Variants in CD59 observed in about 807,000 individuals in gnomAD.
CD59 encodes the protein CD59 molecule (CD59 blood group).
CD59 carries 3 observed loss-of-function variants against 7.0 expected under a neutral mutation model. The observed-to-expected ratio is 0.43, with a 90% CI of 0.19 to 1.10. CD59 has a LOEUF of 1.10. Among genes scored for constraint, CD59 ranks in the 50% least tolerant of loss-of-function variants. CD59 has a pLI of 0.29. For missense variants in CD59, 143 were observed against 151.0 expected, an observed-to-expected ratio of 0.95 and a Z score of 0.28; for synonymous variants, 60 against 62.0, an observed-to-expected ratio of 0.97 and a Z score of 0.15.
At position 33,722,420 on chromosome 11, in the gene CD59, A is replaced by AG. The variant is rs1186760432; in HGVS notation, c.25dup (p.Leu9ProfsTer17). Reference sequence around the variant, plus strand: ...AGCCAGGACGAGCAGCAGCCCGAACAGGACAGACCCTCCTTGGATTCCCAT... The same window carrying AG: ...AGCCAGGACGAGCAGCAGCCCGAACAGGGACAGACCCTCCTTGGATTCCCAT... On this transcript the variant is annotated frameshift_variant, in exon 2 of 4. Coordinates refer to ENST00000642928, the MANE Select transcript of CD59 (RefSeq NM_000611.6). LOFTEE classifies it high-confidence loss of function. The AG allele has an allele frequency of 5.0e-6, 8 of 1,614,168 alleles. No individual in the cohort carries two copies. Among genetic ancestry groups the AG allele is most frequent in the Non-Finnish European group, 6.8e-6 (8 of 1,179,984 alleles).
intron 2 of CD59, among the ~76,000 whole-genome samples, chr11:33,721,839 A>G (rs1375401305): frequency 1.3e-5 from 2 of 152,250 alleles, no homozygotes; most frequent in African/African-American, 2.4e-5. Flanking sequence ...TAAAACAAGG[A>G]TAAAAATACC....
At chr11:33,723,142 T>G (rs1854144749) in intron 1 of CD59, 1 of 160,616 alleles carries the variant, frequency 6.2e-6, no homozygotes, top group Non-Finnish European at 1.3e-5. Context: ...CTTGCCTAAG[T>G]ACAAAGCATC....
intron 1 of CD59, among the ~76,000 whole-genome samples, chr11:33,729,478 G>T (rs1854351010): frequency 6.6e-6 from 1 of 151,996 alleles, no homozygotes; most frequent in Admixed American, 6.6e-5. Flanking sequence ...GAGAACACAT[G>T]GACACAGGGA....
At position 33,717,445 on chromosome 11, in the gene CD59, G is replaced by A; in HGVS notation, c.94C>T (p.Pro32Ser). The A allele has an allele frequency of 6.2e-7, 1 of 1,612,542 alleles. No homozygotes were observed. Among genetic ancestry groups the A allele is most frequent in the South Asian group, 1.1e-5 (1 of 91,024 alleles). ...GTTTTGCAGTCAGCAGTTGGGTTAGGACAGTTGTAGCACTGCAGGCTATGA... is the reference window on the plus strand; with the variant it reads ...GTTTTGCAGTCAGCAGTTGGGTTAGAACAGTTGTAGCACTGCAGGCTATGA... ...SGHSLQCYNCPNPTADCKTAV... is the reference protein window; with the variant it reads ...SGHSLQCYNCSNPTADCKTAV... Residue 32 changes from proline (P) to serine (S), a missense_variant, in exon 3 of 4, where the codon CCT becomes TCT. Physicochemically the swap from Pro to Ser is moderately conservative, Grantham distance 74. Transcript: ENST00000642928.
At chr11:33,726,828 A>G (rs1022333437) in intron 1 of CD59, among the ~76,000 whole-genome samples, 4 of 152,228 alleles carry the variant, frequency 2.6e-5, no homozygotes, top group Non-Finnish European at 5.9e-5. Flanking sequence ...GCAATAAAAA[A>G]TGATAAAGGG....
In CD59 at chr11:33,705,672, C is replaced by T. The variant is rs777854820; in HGVS notation, c.*4454G>A. The T allele has an allele frequency of 2.6e-5, 4 of 152,184 alleles. No homozygotes were observed. The highest frequency in any genetic ancestry group is 4.4e-5 in the Non-Finnish European group (3 of 68,040). The allele number at this position is 152,184 out of a possible 1,614,324, so 9.4% of individuals were successfully genotyped here. A position where few individuals can be genotyped will look rare whatever the true frequency, so the allele number is the denominator to read the frequency against. On this transcript the variant is annotated 3_prime_UTR_variant, in exon 4 of 4. Coordinates refer to ENST00000642928, the MANE Select transcript of CD59 (RefSeq NM_000611.6). ...GAGCCACTACTGGCTTCTCTCTAAC[C>T]CAGCTTGCAGACGGCCTATTGTGCG...
intron 2 of CD59, among the ~76,000 whole-genome samples, chr11:33,719,946 A>C (rs1285554307): frequency 6.6e-6 from 1 of 152,220 alleles, no homozygotes; most frequent in Non-Finnish European, 1.5e-5. Context: ...TCTAAGATGA[A>C]GGGTGTTGTT....
rs761211387 is a variant in CD59 at position 33,703,220 on chromosome 11, G to A, written c.*6906C>T. On this transcript the variant is annotated 3_prime_UTR_variant, in exon 4 of 4. Transcript: ENST00000642928. Reference sequence around the variant, plus strand: ...AAATAAGAAGTTGATGACAAACTTGGTTTCTCTAACAAGTATGCAAGAAAA... The same window carrying A: ...AAATAAGAAGTTGATGACAAACTTGATTTCTCTAACAAGTATGCAAGAAAA... The A allele has an allele frequency of 2.6e-5, 4 of 152,090 alleles. No individual in the cohort carries two copies. Among genetic ancestry groups the A allele is most frequent in the Non-Finnish European group, 5.9e-5 (4 of 68,010 alleles). The allele number at this position is 152,090 out of a possible 1,614,324, so 9.4% of individuals were successfully genotyped here.
At position 33,706,143 on chromosome 11, in the gene CD59, CACAGCTGCTGAAAA is replaced by C. The variant is rs1853299185; in HGVS notation, c.*3969_*3982del. 6.6e-6 allele frequency: 1 copy of C among 152,124 alleles called. No individual in the cohort carries two copies. The highest frequency in any genetic ancestry group is 2.4e-5 in the African/African-American group (1 of 41,402). 9.4% of individuals were successfully genotyped at this position (152,124 alleles called of 1,614,324 possible). Reference sequence around the variant, plus strand: ...TCCTCTCCCAGAGGCTCTGGACCTACACAGCTGCTGAAAAAGAGAAAATGTCCTTACCTACAATG... The same window carrying C: ...TCCTCTCCCAGAGGCTCTGGACCTACAGAGAAAATGTCCTTACCTACAATG... On this transcript the variant is annotated 3_prime_UTR_variant, in exon 4 of 4. Coordinates refer to ENST00000642928, the MANE Select transcript of CD59 (RefSeq NM_000611.6).
At chr11:33,721,737 T>C (rs3181285) in intron 2 of CD59, among the ~76,000 whole-genome samples, 3,789 of 152,298 alleles carry the variant, frequency 0.025, 147 homozygotes, top group African/African-American at 0.086. Context: ...AGGGACTCTG[T>C]TGCCAGACTG....
In CD59 at chr11:33,704,176, G is replaced by A. The variant is rs1333990217; in HGVS notation, c.*5950C>T. The A allele has an allele frequency of 6.6e-6, 1 of 152,158 alleles. No homozygotes were observed. The highest frequency in any genetic ancestry group is 1.5e-5 in the Non-Finnish European group (1 of 68,088). The allele number at this position is 152,158 out of a possible 1,614,324, so 9.4% of individuals were successfully genotyped here. A position where few individuals can be genotyped will look rare whatever the true frequency, so the allele number is the denominator to read the frequency against. On this transcript the variant is annotated 3_prime_UTR_variant, in exon 4 of 4. Coordinates refer to ENST00000642928, the MANE Select transcript of CD59 (RefSeq NM_000611.6). ...CAGCCTTTGGACATGTAGTGGTTGT[G>A]TCTTGGAATACAAGAGTTGTGCCTG... is the stretch of plus-strand genomic sequence containing the variant.
intron 2 of CD59, chr11:33,719,332 A>G (rs1463395587): frequency 1.3e-5 from 2 of 152,350 alleles, no homozygotes; most frequent in East Asian, 3.9e-4. Flanking sequence ...AAAAACAACA[A>G]CAAACTAGGC....
At chr11:33,732,753 AT>A (rs1415403706) in intron 1 of CD59, among the ~76,000 whole-genome samples, 4 of 152,232 alleles carry the variant, frequency 2.6e-5, no homozygotes, top group South Asian at 4.1e-4. Flanking sequence ...AAGAGAACTA[AT>A]TTATGCAACT....
intron 1 of CD59, chr11:33,722,915 A>AC: frequency 9.3e-7 from 1 of 1,077,680 alleles, no homozygotes; most frequent in Non-Finnish European, 1.1e-6. Flanking sequence ...GGCTTAGCAT[A>AC]CCTGGAAGCT....
chr11:33,735,272 G>T (rs995642003), intron 1 of CD59, among the ~76,000 whole-genome samples: 1 of 152,178 alleles, frequency 6.6e-6, no homozygotes, highest in Non-Finnish European at 1.5e-5. Flanking sequence ...TGTGCTGAGC[G>T]CTTTCCGTCA....
chr11:33,731,392 C>T (rs1012707351), intron 1 of CD59: 1 of 151,966 alleles, frequency 6.6e-6, no homozygotes, highest in African/African-American at 2.4e-5. Context: ...TATTTAATAA[C>T]ATTTAAGGAA....
At chr11:33,716,748 C>G (rs1389445487) in intron 3 of CD59, among the ~76,000 whole-genome samples, 1 of 152,154 alleles carries the variant, frequency 6.6e-6, no homozygotes, top group Non-Finnish European at 1.5e-5. Context: ...TTCATGAGCA[C>G]CTTGCTCTGA....
At chr11:33,718,036 C>T (rs561641909) in intron 2 of CD59, 1 of 174,864 alleles carries the variant, frequency 5.7e-6, no homozygotes, top group Non-Finnish European at 1.2e-5. Flanking sequence ...GAATTCTATT[C>T]CCCTCATTAG....
chr11:33,731,945 T>C (rs1344237460), intron 1 of CD59, among the ~76,000 whole-genome samples: 3 of 150,294 alleles, frequency 2.0e-5, no homozygotes, highest in Non-Finnish European at 3.0e-5. Context: ...TGGGAGATAA[T>C]TGAATCACTG....
Sources: allele counts gnomAD v4.1 joint callset (sites outside exome capture counted in the v4.1 genomes callset), GRCh38; gene constraint gnomAD v4.1.1; transcripts MANE v1.5; gene names NCBI Gene and HGNC (gene_info 2026-07-23, HGNC 2026-07-21).